The following FAT3 variants were observed in gnomAD, a reference collection of about 807,000 sequenced individuals.
The protein encoded by FAT3 is FAT atypical cadherin 3.
FAT3 carries 95 observed loss-of-function variants against 310.2 expected under a neutral mutation model. The observed-to-expected ratio is 0.31, with a 90% CI of 0.26 to 0.36. The LOEUF (loss-of-function observed/expected upper bound fraction) is 0.36, where lower values mean the gene tolerates loss of function less well. FAT3 is among the 10% of genes least tolerant of loss of function. The pLI, the probability that FAT3 is intolerant of heterozygous loss-of-function variation, is 1.00. For missense variants in FAT3, 5,408 were observed against 5,715.6 expected, an observed-to-expected ratio of 0.95 and a Z score of 1.74; for synonymous variants, 2,314 against 2,192.9, an observed-to-expected ratio of 1.06 and a Z score of -1.54.
rs535518499 is a variant in FAT3, at chr11:92,444,014, A to G, written c.3293-80620A>G. ...GGACAGTGTTTCCTATGCATCATAT[A>G]GCTTAAAAGAGAGCTGGTATTTGAA... On this transcript the variant is annotated intron_variant, in intron 2 of 27. Transcript: ENST00000525166. Among the ~76,000 whole-genome samples, 16 of 152,362 alleles carry G rather than the reference A, an allele frequency of 1.1e-4. No homozygotes were observed. The South Asian group carries it at 3.1e-3, about 30-fold the overall frequency.
intron 2 of FAT3, among the ~76,000 whole-genome samples, chr11:92,419,594 T>G (rs1250537734): frequency 6.6e-6 from 1 of 152,176 alleles, no homozygotes; most frequent in Non-Finnish European, 1.5e-5. Context: ...CTTTAATCCT[T>G]AGGTGTGTTG....
intron 1 of FAT3, among the ~76,000 whole-genome samples, chr11:92,349,692 C>T (rs1689919782): frequency 6.6e-6 from 1 of 152,236 alleles, no homozygotes; most frequent in African/African-American, 2.4e-5. Context: ...CTGCTGTCCA[C>T]AGGCTGCCTG....
At chr11:92,497,961 T>C (rs190030970) in intron 2 of FAT3, among the ~76,000 whole-genome samples, 36 of 152,168 alleles carry the variant, frequency 2.4e-4, no homozygotes, top group African/African-American at 8.7e-4. Flanking sequence ...TTTATGATAG[T>C]CTTTGTTGTT....
chr11:92,796,007 A>C (rs888360416), intron 9 of FAT3, among the ~76,000 whole-genome samples: 1 of 151,920 alleles, frequency 6.6e-6, no homozygotes, highest in East Asian at 1.9e-4. Flanking sequence ...CCGGGTGTGG[A>C]GTGAGGGAGG....
At chr11:92,255,148 T>C (rs1277412236) in intron 1 of FAT3, among the ~76,000 whole-genome samples, 1 of 152,164 alleles carries the variant, frequency 6.6e-6, no homozygotes, top group African/African-American at 2.4e-5. Context: ...CTAATGTCCC[T>C]ATGAAGAGCA....
chr11:92,762,322 G>T (rs529817582), intron 5 of FAT3, among the ~76,000 whole-genome samples, 152 bp downstream of exon 5: 1 of 152,186 alleles, frequency 6.6e-6, no homozygotes, highest in Admixed American at 6.5e-5. Context: ...GTGCAGGTGA[G>T]AACTCTTGCC....
rs924357536 is a variant in FAT3, at chr11:92,893,639, G to C, written c.*2526G>C. On this transcript the variant is annotated 3_prime_UTR_variant, in exon 28 of 28. Transcript: ENST00000525166. ...CTGAAGAAAATTGTGCCCACCCTTTGCTGTGACCTATATAAAATATCTCTT... is the reference window on the plus strand; with the variant it reads ...CTGAAGAAAATTGTGCCCACCCTTTCCTGTGACCTATATAAAATATCTCTT... 2.0e-5 allele frequency: 3 copies of C among 152,168 alleles called. No homozygotes were observed. Among genetic ancestry groups the C allele is most frequent in the African/African-American group, 7.2e-5 (3 of 41,428 alleles). The allele number at this position is 152,168 out of a possible 1,614,324, so 9.4% of individuals were successfully genotyped here. A position where few individuals can be genotyped will look rare whatever the true frequency, so the allele number is the denominator to read the frequency against.
chr11:92,378,536 A>G (rs1197482264), intron 2 of FAT3, among the ~76,000 whole-genome samples: 2 of 152,154 alleles, frequency 1.3e-5, no homozygotes, highest in African/African-American at 4.8e-5. Flanking sequence ...ATTATATACT[A>G]TTTTAACTAT....
At chr11:92,483,292 C>T (rs760704012) in intron 2 of FAT3, among the ~76,000 whole-genome samples, 1 of 151,968 alleles carries the variant, frequency 6.6e-6, no homozygotes, top group South Asian at 2.1e-4. Flanking sequence ...CTTCACCTAT[C>T]AAACACATCT....
intron 3 of FAT3, among the ~76,000 whole-genome samples, chr11:92,593,455 A>G (rs1387345854): frequency 6.7e-6 from 1 of 149,714 alleles, no homozygotes; most frequent in South Asian, 2.1e-4. Context: ...TTTTTTTTTT[A>G]ATATTAGCCA....
At chr11:92,366,855 A>G in intron 2 of FAT3, 1 of 534,960 alleles carries the variant, frequency 1.9e-6, no homozygotes. Flanking sequence ...ATGTTGCTGT[A>G]GAAAGGATGG....
At chr11:92,840,438 G>A in intron 17 of FAT3, 124 bp from the exon 18 acceptor site, 4 of 911,518 alleles carry the variant, frequency 4.4e-6, no homozygotes, top group Non-Finnish European at 6.4e-6. Context: ...TGAAAGCCCT[G>A]TTTTCTAGCT....
At chr11:92,549,870 T>G (rs1954744134) in intron 3 of FAT3, among the ~76,000 whole-genome samples, 1 of 152,108 alleles carries the variant, frequency 6.6e-6, no homozygotes. Flanking sequence ...TTTTTAGTAA[T>G]AGGAACGCTT....
chr11:92,255,778 A>G (rs2134290083), intron 1 of FAT3, among the ~76,000 whole-genome samples: 1 of 152,306 alleles, frequency 6.6e-6, no homozygotes, highest in Middle Eastern at 3.4e-3. Flanking sequence ...CAACATTTGA[A>G]GGAAAGGGTC....
intron 17 of FAT3, 149 bp from the exon 18 acceptor site, chr11:92,840,412 AG>A: frequency 1.5e-6 from 1 of 658,514 alleles, no homozygotes; most frequent in South Asian, 2.4e-5. Flanking sequence ...GTAATGTCAC[AG>A]GGAATCCCTT....
At chr11:92,848,880 G>A (rs1037373816) in intron 19 of FAT3, among the ~76,000 whole-genome samples, 1 of 152,194 alleles carries the variant, frequency 6.6e-6, no homozygotes, top group South Asian at 2.1e-4. Flanking sequence ...AGGATGCCTG[G>A]AATTATCTAG....
chr11:92,499,723 ATGTGTGTG>A (rs61267708), intron 2 of FAT3, among the ~76,000 whole-genome samples: 1 of 127,748 alleles, frequency 7.8e-6, no homozygotes, highest in African/African-American at 2.6e-5. Flanking sequence ...ATGTGTGTGT[ATGTGTGTG>A]TGTGTGTGTG....
intron 2 of FAT3, among the ~76,000 whole-genome samples, chr11:92,476,902 G>A (rs1300799492): frequency 6.6e-6 from 1 of 152,138 alleles, no homozygotes; most frequent in Non-Finnish European, 1.5e-5. Flanking sequence ...TCCTCTACTT[G>A]CATATTTGTT....
At position 92,492,692 on chromosome 11, in the gene FAT3, A is replaced by G. The variant is rs151225137; in HGVS notation, c.3293-31942A>G. The stretch of plus-strand genomic sequence containing the variant: ...ATAATTGATACCACATGGTCCCAAC[A>G]TCTAAATCTGGTACCAACCCTGTGG... On this transcript the variant is annotated intron_variant, in intron 2 of 27. Transcript: ENST00000525166. Among the ~76,000 whole-genome samples, 354 of 152,204 alleles carry G rather than the reference A, an allele frequency of 2.3e-3. 5 individuals are homozygous for G. The highest frequency in any genetic ancestry group is 3.6e-3 in the Non-Finnish European group (247 of 67,992).
Sources: allele counts gnomAD v4.1 joint callset (sites outside exome capture counted in the v4.1 genomes callset), GRCh38; gene constraint gnomAD v4.1.1; transcripts MANE v1.5; gene names NCBI Gene and HGNC (gene_info 2026-07-23, HGNC 2026-07-21).